Variants in PRKN observed in about 807,000 individuals in gnomAD.
PRKN encodes E3 ubiquitin-protein ligase parkin.
Under a neutral mutation model 59.5 loss-of-function variants are expected in PRKN, and 56 were observed. The observed-to-expected ratio is 0.94, with a 90% confidence interval of 0.76 to 1.18. PRKN has a LOEUF of 1.18. Ranked by LOEUF, PRKN falls within the 50% of genes most tolerant of loss-of-function variation. PRKN has a pLI of 0.00. For missense variants in PRKN, 657 were observed against 596.4 expected (o/e 1.10, Z -1.06); for synonymous variants, 250 against 222.1 (o/e 1.13, Z -1.12).
chr6:162,413,992 G>C (rs1467401601), intron 2 of PRKN, among the ~76,000 whole-genome samples: 1 of 152,046 alleles, frequency 6.6e-6, no homozygotes, highest in Non-Finnish European at 1.5e-5. Context: ...GACCAGCCTG[G>C]CCAACATGGG....
intron 1 of PRKN, among the ~76,000 whole-genome samples, chr6:162,584,893 TCCCCTCTCCTCTTC>T (rs1780979089): frequency 1.6e-5 from 1 of 64,008 alleles, no homozygotes; most frequent in African/African-American, 5.9e-5. Context: ...TCCCCTCCCC[TCCCCTCTCCTCTTC>T]TCTTTTCTTT....
chr6:161,518,911 G>C lies in PRKN; in HGVS notation c.1083+29943C>G, dbSNP rs12530411. The stretch of plus-strand genomic sequence containing the variant: ...TCAGGGAGAGGAAGGCTGAGCACAA[G>C]AGAATCTCCCTCTGTCCACAGAAAT... On this transcript the variant is annotated intron_variant, in intron 9 of 11. Transcript: ENST00000366898. The surrounding 1 kb of genome is among the most constrained non-coding windows in gnomAD (Gnocchi z 5.0). 0.072 allele frequency among the ~76,000 whole-genome samples: 10,898 copies of C among 152,250 alleles called. 515 individuals are homozygous for C. The highest frequency in any genetic ancestry group is 0.13 in the African/African-American group (5,410 of 41,530).
In PRKN at chr6:161,765,934, A is replaced by C. The variant is rs1414462693; in HGVS notation, c.871+19838T>G. On this transcript the variant is annotated intron_variant, in intron 7 of 11. Coordinates refer to ENST00000366898, the MANE Select transcript of PRKN (RefSeq NM_004562.3). ...AACAAAATAAAACAAAATGCTTTGA[A>C]TTGTTTTTGAAGGCAAAGTGTCCCA... is the stretch of plus-strand genomic sequence containing the variant. Among the ~76,000 whole-genome samples the C allele has an allele frequency of 3.9e-5, 6 of 152,338 alleles. No homozygotes were observed. In the South Asian group the frequency reaches 1.0e-3, roughly 26 times the overall value.
intron 7 of PRKN, among the ~76,000 whole-genome samples, chr6:161,648,791 A>T (rs1383235126): frequency 6.6e-6 from 1 of 152,216 alleles, no homozygotes; most frequent in Non-Finnish European, 1.5e-5. Context: ...TCTAGAACAC[A>T]TTTCACAGAA....
At chr6:162,721,870 G>A (rs1318175199) in intron 1 of PRKN, among the ~76,000 whole-genome samples, 2 of 152,208 alleles carry the variant, frequency 1.3e-5, no homozygotes, top group Non-Finnish European at 2.9e-5. Flanking sequence ...ACTGGATCTT[G>A]AGTGATGAAC....
intron 4 of PRKN, 129 bp downstream of exon 4, chr6:162,201,002 T>C (rs751514097): frequency 9.4e-7 from 1 of 1,069,288 alleles, no homozygotes; most frequent in Non-Finnish European, 1.4e-6. Context: ...TCATTAACTA[T>C]CACAACCACA....
intron 2 of PRKN, among the ~76,000 whole-genome samples, chr6:162,279,703 C>G (rs935652733): frequency 6.6e-6 from 1 of 152,140 alleles, no homozygotes; most frequent in African/African-American, 2.4e-5. Context: ...TGGTCTAGAG[C>G]TGAGTTCAAG....
chr6:161,351,330 AT>A (rs1047342322), intron 11 of PRKN, among the ~76,000 whole-genome samples: 40 of 144,882 alleles, frequency 2.8e-4, no homozygotes, highest in Admixed American at 4.9e-4. Context: ...TATTATTTCT[AT>A]TTTTTTTTTT....
chr6:161,911,574 C>T (rs1583335277), intron 6 of PRKN, among the ~76,000 whole-genome samples: 1 of 152,160 alleles, frequency 6.6e-6, no homozygotes. Flanking sequence ...TTTCCATGTA[C>T]CTAAAAACAT....
intron 6 of PRKN, among the ~76,000 whole-genome samples, chr6:161,886,503 C>G (rs766431695): frequency 6.6e-6 from 1 of 152,028 alleles, no homozygotes; most frequent in African/African-American, 2.4e-5. Flanking sequence ...TTGAGACCAG[C>G]CTGACCAACA....
chr6:161,869,745 C>T (rs959648935), intron 6 of PRKN, among the ~76,000 whole-genome samples: 1 of 152,108 alleles, frequency 6.6e-6, no homozygotes, highest in East Asian at 1.9e-4. Flanking sequence ...TGTCTTCTCC[C>T]TTTTGTTTTC....
chr6:161,357,855 C>T lies in PRKN; in HGVS notation c.1285+2233G>A, dbSNP rs537325946. On this transcript the variant is annotated intron_variant, in intron 11 of 11. Coordinates refer to ENST00000366898, the MANE Select transcript of PRKN (RefSeq NM_004562.3). This position sits in a 1 kb window ranked among gnomAD's most constrained non-coding sequence, Gnocchi z 5.5. ...GTCTCACGGAGCGTGTTTGATGCAC[C>T]GTCTCTGTTACTCCTCCTGCCCATG... Among the ~76,000 whole-genome samples, 64 of 152,298 alleles carry T rather than the reference C, an allele frequency of 4.2e-4. No homozygotes were observed. The highest frequency in any genetic ancestry group is 1.5e-3 in the South Asian group (7 of 4,826).
At chr6:162,314,637 G>C (rs1405305830) in intron 2 of PRKN, among the ~76,000 whole-genome samples, 2 of 152,118 alleles carry the variant, frequency 1.3e-5, no homozygotes, top group African/African-American at 4.8e-5. Flanking sequence ...GGTCACATTA[G>C]TGTGTTAACA....
At chr6:162,041,307 T>A (rs1421804248) in intron 5 of PRKN, among the ~76,000 whole-genome samples, 2 of 152,232 alleles carry the variant, frequency 1.3e-5, no homozygotes, top group Non-Finnish European at 2.9e-5. Flanking sequence ...TTCGTCTCTT[T>A]AAGAACTGAG....
rs543876879 is a variant in PRKN, at chr6:161,623,272, A to G, written c.872-53856T>C. On this transcript the variant is annotated intron_variant, in intron 7 of 11. Coordinates refer to ENST00000366898, the MANE Select transcript of PRKN (RefSeq NM_004562.3). ...CTGGCTCTCTGGTGTGCTTCCTACT[A>G]TGATATCCTAGTTTTTCTGCCTCTC... is the stretch of plus-strand genomic sequence containing the variant. 8.4e-4 allele frequency among the ~76,000 whole-genome samples: 128 copies of G among 152,272 alleles called. 1 individual carries two copies. The Middle Eastern group carries it at 0.017, about 20-fold the overall frequency.
intron 1 of PRKN, among the ~76,000 whole-genome samples, chr6:162,572,849 T>C (rs1780399112): frequency 6.6e-6 from 1 of 151,214 alleles, no homozygotes; most frequent in African/African-American, 2.4e-5. Flanking sequence ...CAAAAAACTC[T>C]GCGTAACCTA....
At chr6:161,604,498 G>A (rs1011038315) in intron 7 of PRKN, among the ~76,000 whole-genome samples, 10 of 152,128 alleles carry the variant, frequency 6.6e-5, no homozygotes, top group Admixed American at 6.5e-4. Context: ...AGGGCAGAAC[G>A]GGTGGCCAGA....
intron 2 of PRKN, among the ~76,000 whole-genome samples, chr6:162,289,946 A>G (rs1781352282): frequency 6.6e-6 from 1 of 152,164 alleles, no homozygotes; most frequent in Non-Finnish European, 1.5e-5. Context: ...ACCTACCTGG[A>G]AGTAAGAGTA....
intron 6 of PRKN, among the ~76,000 whole-genome samples, chr6:161,795,143 C>T (rs920464850): frequency 3.3e-5 from 5 of 151,852 alleles, no homozygotes; most frequent in African/African-American, 1.2e-4. Flanking sequence ...CTCGGCCTCC[C>T]AAAGTGCTGG....
Sources: gnomAD v4.1 joint callset for allele counts (sites outside exome capture counted in the v4.1 genomes callset) on GRCh38, gnomAD v4.1.1 for gene constraint, Gnocchi (gnomAD v3.1) non-coding constraint, MANE v1.5 for transcripts, NCBI Gene and HGNC (gene_info 2026-07-23, HGNC 2026-07-21) for gene names.